Variants in SLC38A3 observed in about 807,000 individuals in gnomAD.
SLC38A3 encodes the protein sodium-coupled neutral amino acid transporter 3.
In SLC38A3, 17 loss-of-function variants were observed where a neutral mutation model predicts 59.5. The ratio of observed to expected loss-of-function variants is 0.29; its 90% CI spans 0.20 to 0.43. The LOEUF is 0.43. SLC38A3 is among the 20% of genes least tolerant of loss of function. The pLI is 1.00. For missense variants in SLC38A3, 454 were observed against 653.9 expected (o/e 0.69, Z 3.33); for synonymous variants, 238 against 260.3 (o/e 0.91, Z 0.82).
At position 50,217,286 on chromosome 3, in the gene SLC38A3, C is replaced by A. The variant is rs1229775905; in HGVS notation, c.597C>A (p.Thr199=). The A allele has an allele frequency of 6.2e-7, 1 of 1,613,758 alleles. No homozygotes were observed. Among genetic ancestry groups the A allele is most frequent in the South Asian group, 1.1e-5 (1 of 90,972 alleles). ...ACCTGGTAATCCTTGTCTCTGTCAC[C>A]ATCATTCTGCCCCTGGCACTGATGC... ...GNYLVILVSV[T]IILPLALMRQ... The change falls in exon 8 of 16, where the codon ACC becomes ACA. Residue 199 remains threonine (T), a synonymous_variant. Coordinates refer to ENST00000614032, the MANE Select transcript of SLC38A3 (RefSeq NM_006841.6). The surrounding 1 kb of genome is among the most constrained non-coding windows in gnomAD (Gnocchi z 4.9).
Position 50,217,411 on chromosome 3 carries a change from G to C in SLC38A3, c.632-4G>C. On this transcript the variant is annotated splice_region_variant and splice_polypyrimidine_tract_variant and intron_variant, in intron 8 of 15. Transcript: ENST00000614032. This position sits in a 1 kb window ranked among gnomAD's most constrained non-coding sequence, Gnocchi z 4.9. ...GGTCTCAGAGTGCTCCCTCCACTTTGCAGGCTACCTGGGCTACTCCAGCGG... is the reference window on the plus strand; with the variant it reads ...GGTCTCAGAGTGCTCCCTCCACTTTCCAGGCTACCTGGGCTACTCCAGCGG... The C allele has an allele frequency of 6.2e-7, 1 of 1,613,168 alleles. No individual in the cohort carries two copies. Among genetic ancestry groups the C allele is most frequent in the African/African-American group, 1.3e-5 (1 of 75,020 alleles).
intron 1 of SLC38A3, among the ~76,000 whole-genome samples, chr3:50,209,838 G>GAA (rs1699699496): frequency 6.6e-6 from 1 of 152,076 alleles, no homozygotes; most frequent in South Asian, 2.1e-4. Context: ...TCAGTTCTCT[G>GAA]GGCCATCTGC....
At chr3:50,209,221 C>G (rs1038772017) in intron 1 of SLC38A3, among the ~76,000 whole-genome samples, 2 of 152,276 alleles carry the variant, frequency 1.3e-5, no homozygotes, top group South Asian at 4.1e-4. Flanking sequence ...GTTGCTCTAG[C>G]CCACTCGTGA....
At position 50,218,351 on chromosome 3, in the gene SLC38A3, C is replaced by T. The variant is rs757455537; in HGVS notation, c.1017C>T (p.Phe339=). 143 of 1,611,468 alleles carry T rather than the reference C, an allele frequency of 8.9e-5. No individual in the cohort carries two copies. The highest frequency in any genetic ancestry group is 1.1e-4 in the Non-Finnish European group (130 of 1,177,700). ...TCATGTACTTCCTGGCTGCCCTCTT[C>T]GGCTACCTCACCTTCTACAGTACGG... The part of the protein sequence containing the change: ...MYIMYFLAAL[F]GYLTFYNGVE... Residue 339 remains phenylalanine, a synonymous_variant, in exon 12 of 16, where the codon TTC becomes TTT. Transcript: ENST00000614032. The surrounding 1 kb of genome is among the most constrained non-coding windows in gnomAD (Gnocchi z 5.8).
intron 1 of SLC38A3, among the ~76,000 whole-genome samples, chr3:50,212,510 A>G (rs1436354482): frequency 6.6e-6 from 1 of 152,174 alleles, no homozygotes; most frequent in Admixed American, 6.5e-5. Flanking sequence ...ACATTGTTAT[A>G]GTCCCGAGTA....
chr3:50,215,036 C>T lies in SLC38A3; in HGVS notation c.299+268C>T, dbSNP rs897617503. On this transcript the variant is annotated intron_variant, in intron 4 of 15. Transcript: ENST00000614032. This position sits in a 1 kb window ranked among gnomAD's most constrained non-coding sequence, Gnocchi z 7.1. The stretch of plus-strand genomic sequence containing the variant: ...CCTTACACGTGATGGCCAAGCCCCA[C>T]GGCCAGGCCTTGTGTGGGCACACGT... 6 of 573,208 alleles carry T rather than the reference C, an allele frequency of 1.0e-5. No homozygotes were observed. Among genetic ancestry groups the T allele is most frequent in the African/African-American group, 5.6e-5 (3 of 53,466 alleles). The allele number at this position is 573,208 out of a possible 1,614,324, so 35.5% of individuals were successfully genotyped here.
intron 1 of SLC38A3, among the ~76,000 whole-genome samples, chr3:50,213,765 G>T (rs1366836387): frequency 6.6e-6 from 1 of 152,222 alleles, no homozygotes; most frequent in Non-Finnish European, 1.5e-5. Flanking sequence ...TCTGTCCTGG[G>T]TACATACCCA....
rs587742060 is a variant in SLC38A3 at position 50,217,697 on chromosome 3, G to A, written c.712G>A (p.Val238Met). 2.4e-5 allele frequency: 39 copies of A among 1,613,872 alleles called. No individual in the cohort carries two copies. The highest frequency in any genetic ancestry group is 5.5e-5 in the South Asian group (5 of 91,066). Residue 238 changes from valine to methionine, a missense_variant, in exon 10 of 16, where the codon GTG (valine) becomes ATG (methionine). Val to Met is a conservative substitution (Grantham distance 21). Coordinates refer to ENST00000614032, the MANE Select transcript of SLC38A3 (RefSeq NM_006841.6). This position sits in a 1 kb window ranked among gnomAD's most constrained non-coding sequence, Gnocchi z 4.9. Reference protein sequence around the residue: ...LIAVIYKKFHVPCPLPPNFNN... With the variant: ...LIAVIYKKFHMPCPLPPNFNN... ...CCAGGTCATCTACAAAAAGTTCCAC[G>A]TGCCCTGCCCACTGCCCCCCAACTT... is the stretch of plus-strand genomic sequence containing the variant.
rs908631138 is a variant in SLC38A3, at chr3:50,215,079, T to G, written c.300-307T>G. Among the ~76,000 whole-genome samples, 1 of 152,234 alleles carries G rather than the reference T, an allele frequency of 6.6e-6. No individual in the cohort carries two copies. The highest frequency in any genetic ancestry group is 2.4e-5 in the African/African-American group (1 of 41,464). On this transcript the variant is annotated intron_variant, in intron 4 of 15. Transcript: ENST00000614032. This position sits in a 1 kb window ranked among gnomAD's most constrained non-coding sequence, Gnocchi z 7.1. ...GCACACGTGTCCTTTGGCTGGGGGCTCTGCCCTGAAGCCAGAATGGAAAAC... is the reference window on the plus strand; with the variant it reads ...GCACACGTGTCCTTTGGCTGGGGGCGCTGCCCTGAAGCCAGAATGGAAAAC...
intron 1 of SLC38A3, among the ~76,000 whole-genome samples, chr3:50,212,769 G>T (rs1209654936): frequency 2.0e-5 from 3 of 152,326 alleles, no homozygotes; most frequent in African/African-American, 7.2e-5. Context: ...TTCACCCCTA[G>T]CCCTGAGTGC....
At chr3:50,213,537 C>A (rs764326738) in intron 1 of SLC38A3, among the ~76,000 whole-genome samples, 3 of 152,216 alleles carry the variant, frequency 2.0e-5, no homozygotes, top group Admixed American at 2.0e-4. Flanking sequence ...ACAGCCTCTG[C>A]GCCTGCCGTT....
Position 50,218,320 on chromosome 3 carries a change from TG to T in SLC38A3, c.987del (p.Met329IlefsTer37). On this transcript the variant is annotated frameshift_variant, in exon 12 of 16. Coordinates refer to ENST00000614032, the MANE Select transcript of SLC38A3 (RefSeq NM_006841.6). LOFTEE classifies it high-confidence loss of function. The surrounding 1 kb of genome is among the most constrained non-coding windows in gnomAD (Gnocchi z 5.8). ...ATCTCCAACCTGTCCATCGCTGTCA[TG>T]TACATCATGTACTTCCTGGCTGCCC... is the stretch of plus-strand genomic sequence containing the variant. Reference protein sequence around the residue: ...QHISNLSIAVMYIMYFLAALF... With the variant: ...QHISNLSIAVXYIMYFLAALF... 6.2e-7 allele frequency: 1 copy of T among 1,613,720 alleles called. No homozygotes were observed. The highest frequency in any genetic ancestry group is 8.5e-7 in the Non-Finnish European group (1 of 1,179,680).
Position 50,218,705 on chromosome 3 carries a change from C to G in SLC38A3, c.1149C>G (p.Ile383Met). The G allele has an allele frequency of 6.2e-7, 1 of 1,609,406 alleles. No homozygotes were observed. The highest frequency in any genetic ancestry group is 1.1e-5 in the South Asian group (1 of 91,016). The change falls in exon 13 of 16, where the codon ATC becomes ATG. Residue 383 changes from isoleucine to methionine, a missense_variant. This residue lies in a region of SLC38A3 where 390 missense variants were observed against 557.9 expected (regional missense o/e 0.70). Coordinates refer to ENST00000614032, the MANE Select transcript of SLC38A3 (RefSeq NM_006841.6). The surrounding 1 kb of genome is among the most constrained non-coding windows in gnomAD (Gnocchi z 5.8). ...CAGCAGTCACGCTCACAGTGCCCAT[C>G]GTTCTGTTCCCGGTGAGCTGGTGGG... ...VLTAVTLTVP[I>M]VLFPVRRAIQ...
Position 50,217,141 on chromosome 3 carries a change from C to A in SLC38A3, c.549-97C>A, listed in dbSNP as rs901823842. The A allele has an allele frequency of 6.4e-5, 49 of 768,662 alleles. No individual in the cohort carries two copies. The African/African-American group carries it at 6.9e-4, about 11-fold the overall frequency. 47.6% of individuals were successfully genotyped at this position (768,662 alleles called of 1,614,324 possible). Reference sequence around the variant, plus strand: ...GTGGACAAACATTCTTCAGATGTCACTCAGTGGCACCATTGGTAACTCCAG... The same window carrying A: ...GTGGACAAACATTCTTCAGATGTCAATCAGTGGCACCATTGGTAACTCCAG... On this transcript the variant is annotated intron_variant, in intron 7 of 15. Transcript: ENST00000614032. This position sits in a 1 kb window ranked among gnomAD's most constrained non-coding sequence, Gnocchi z 4.9.
Position 50,215,876 on chromosome 3 carries a change from G to A in SLC38A3, c.548+55G>A, listed in dbSNP as rs587652445. The A allele has an allele frequency of 9.4e-4, 615 of 653,948 alleles. 3 individuals carry two copies. In the African/African-American group the frequency reaches 0.01, roughly 11 times the overall value. The allele number at this position is 653,948 out of a possible 1,614,324, so 40.5% of individuals were successfully genotyped here. ...GGGGTGCGGTGCAGTGAGGAGGGGTGGGGTGGGGTGGGGCTGGGTGAGGGT... is the reference window on the plus strand; with the variant it reads ...GGGGTGCGGTGCAGTGAGGAGGGGTAGGGTGGGGTGGGGCTGGGTGAGGGT... On this transcript the variant is annotated intron_variant, in intron 7 of 15. Transcript: ENST00000614032. The surrounding 1 kb of genome is among the most constrained non-coding windows in gnomAD (Gnocchi z 7.1).
In SLC38A3 at chr3:50,218,107, C is replaced by A; in HGVS notation, c.935+111C>A. 1 of 1,167,342 alleles carries A rather than the reference C, an allele frequency of 8.6e-7. No individual in the cohort carries two copies. The highest frequency in any genetic ancestry group is 1.3e-6 in the Non-Finnish European group (1 of 791,764). 72.3% of individuals were successfully genotyped at this position (1,167,342 alleles called of 1,614,324 possible). On this transcript the variant is annotated intron_variant, in intron 11 of 15. Coordinates refer to ENST00000614032, the MANE Select transcript of SLC38A3 (RefSeq NM_006841.6). This position sits in a 1 kb window ranked among gnomAD's most constrained non-coding sequence, Gnocchi z 5.8. ...AGTGACAGGAGCCAAGTCACTTTATCTGAGATGTCCTTGGCAGCCATGAGA... is the reference window on the plus strand; with the variant it reads ...AGTGACAGGAGCCAAGTCACTTTATATGAGATGTCCTTGGCAGCCATGAGA...
At position 50,217,898 on chromosome 3, in the gene SLC38A3, C is replaced by G; in HGVS notation, c.856-19C>G. On this transcript the variant is annotated intron_variant, in intron 10 of 15. Transcript: ENST00000614032. The surrounding 1 kb of genome is among the most constrained non-coding windows in gnomAD (Gnocchi z 4.9). Reference sequence around the variant, plus strand: ...ATGAGAGTGGCAGACTGCCTTGACACAGCCCCGTGTTTCCCCAGACAGCAT... The same window carrying G: ...ATGAGAGTGGCAGACTGCCTTGACAGAGCCCCGTGTTTCCCCAGACAGCAT... 3 of 1,614,024 alleles carry G rather than the reference C, an allele frequency of 1.9e-6. No individual in the cohort carries two copies. Among genetic ancestry groups the G allele is most frequent in the Non-Finnish European group, 2.5e-6 (3 of 1,179,886 alleles).
At position 50,220,284 on chromosome 3, in the gene SLC38A3, A is replaced by T; in HGVS notation, c.*107A>T. The T allele has an allele frequency of 3.6e-6, 3 of 838,940 alleles. No homozygotes were observed. The Admixed American group carries it at 6.3e-5, about 18-fold the overall frequency. 52.0% of individuals were successfully genotyped at this position (838,940 alleles called of 1,614,324 possible). A position where few individuals can be genotyped will look rare whatever the true frequency, so the allele number is the denominator to read the frequency against. ...TCGGGGGAGGAGAAAGACGCGATTA[A>T]CACTGTGGCATTCAGCCAGGCCCCA... On this transcript the variant is annotated 3_prime_UTR_variant, in exon 16 of 16. Transcript: ENST00000614032.
At chr3:50,212,538 A>G (rs767059619) in intron 1 of SLC38A3, among the ~76,000 whole-genome samples, 2 of 152,100 alleles carry the variant, frequency 1.3e-5, no homozygotes, top group East Asian at 3.9e-4. Context: ...CTGGGAGGAG[A>G]GGAGGTAAGA....
Sources: allele counts gnomAD v4.1 joint callset (sites outside exome capture counted in the v4.1 genomes callset), GRCh38; gene constraint gnomAD v4.1.1; regional missense constraint gnomAD v4.1.1; non-coding constraint Gnocchi (gnomAD v3.1); transcripts MANE v1.5; gene names NCBI Gene and HGNC (gene_info 2026-07-23, HGNC 2026-07-21).